Variants in GDPD4 observed in about 807,000 individuals in gnomAD.
GDPD4 encodes the protein glycerophosphodiester phosphodiesterase 6.
A neutral mutation model predicts 67.8 loss-of-function variants in GDPD4; 60 were observed. The ratio of observed to expected loss-of-function variants is 0.88; its 90% CI spans 0.72 to 1.10. The LOEUF (loss-of-function observed/expected upper bound fraction) is 1.10, where lower values mean the gene tolerates loss of function less well. GDPD4 is among the 50% of genes least tolerant of loss of function. The pLI is 0.00. For missense variants in GDPD4, 623 were observed against 613.9 expected (o/e 1.01, Z -0.16); for synonymous variants, 212 against 210.9 (o/e 1.00, Z -0.04).
intron 11 of GDPD4, among the ~76,000 whole-genome samples, chr11:77,247,159 G>A (rs1958797489): frequency 6.6e-6 from 1 of 152,118 alleles, no homozygotes; most frequent in Admixed American, 6.6e-5. Flanking sequence ...CCAGAAGGCA[G>A]ATCATTGCTA....
intron 16 of GDPD4, among the ~76,000 whole-genome samples, chr11:77,222,855 C>G (rs868275971): frequency 1.3e-5 from 2 of 152,206 alleles, no homozygotes; most frequent in Admixed American, 6.5e-5. Flanking sequence ...CTCCCCGTCA[C>G]TTTCAGGTAC....
At chr11:77,226,112 T>C (rs558695122) in intron 16 of GDPD4, among the ~76,000 whole-genome samples, 11 of 152,310 alleles carry the variant, frequency 7.2e-5, no homozygotes, top group African/African-American at 2.4e-4. Flanking sequence ...GTGGGTAGGG[T>C]CAAGTTAACT....
At chr11:77,221,277 T>C (rs191505297) in intron 16 of GDPD4, among the ~76,000 whole-genome samples, 2 of 152,126 alleles carry the variant, frequency 1.3e-5, no homozygotes, top group Admixed American at 1.3e-4. Flanking sequence ...CCTTCTGCTA[T>C]TAAATTTGTT....
At chr11:77,259,567 C>A (rs1293241920) in intron 10 of GDPD4, among the ~76,000 whole-genome samples, 35 of 143,880 alleles carry the variant, frequency 2.4e-4, no homozygotes, top group South Asian at 6.8e-4. Context: ...CTGAGAAAAG[C>A]AAAAAAAAAA....
Position 77,253,857 on chromosome 11 carries a change from A to C in GDPD4, c.864+4529T>G, listed in dbSNP as rs1477176848. ...AGAGGTAGATGGAGCTGTTCTGCCA[A>C]AGCACCGTATCCCCAGGAAAGGGCA... On this transcript the variant is annotated intron_variant, in intron 11 of 16. Coordinates refer to ENST00000315938, the MANE Select transcript of GDPD4 (RefSeq NM_182833.3). Among the ~76,000 whole-genome samples, 3 of 152,074 alleles carry C rather than the reference A, an allele frequency of 2.0e-5. No individual in the cohort carries two copies. The East Asian group carries it at 5.8e-4, about 29-fold the overall frequency.
chr11:77,223,082 A>C (rs937921329), intron 16 of GDPD4, among the ~76,000 whole-genome samples: 10 of 152,134 alleles, frequency 6.6e-5, no homozygotes, highest in African/African-American at 2.4e-4. Context: ...AGGTCATTTA[A>C]GGTCTTCTCT....
At chr11:77,256,428 G>A (rs1959005135) in intron 11 of GDPD4, among the ~76,000 whole-genome samples, 2 of 152,166 alleles carry the variant, frequency 1.3e-5, no homozygotes, top group Admixed American at 1.3e-4. Flanking sequence ...GATAGACTAT[G>A]TACTCCTATG....
rs1293199862 is a variant in GDPD4, at chr11:77,297,306, G to A, written c.-254+4299C>T. Among the ~76,000 whole-genome samples, 7 of 151,610 alleles carry A rather than the reference G, an allele frequency of 4.6e-5. No individual in the cohort carries two copies. The East Asian group carries it at 1.2e-3, about 25-fold the overall frequency. ...TCATGCCTGTAATCCCAGCACTTTGGGAGGCCGAGGTGGGCGGATCACGAG... is the reference window on the plus strand; with the variant it reads ...TCATGCCTGTAATCCCAGCACTTTGAGAGGCCGAGGTGGGCGGATCACGAG... On this transcript the variant is annotated intron_variant, in intron 1 of 16. Transcript: ENST00000315938.
intron 7 of GDPD4, among the ~76,000 whole-genome samples, chr11:77,270,173 C>T (rs1365670130): frequency 1.3e-5 from 2 of 152,040 alleles, no homozygotes; most frequent in Non-Finnish European, 2.9e-5. Flanking sequence ...AAAAGGAGAC[C>T]CAGAGAGAAG....
At position 77,245,611 on chromosome 11, in the gene GDPD4, G is replaced by A. The variant is rs1208059317; in HGVS notation, c.865-109C>T. The A allele has an allele frequency of 5.9e-6, 4 of 678,338 alleles. No homozygotes were observed. In the East Asian group the frequency reaches 1.1e-4, roughly 18 times the overall value. The allele number at this position is 678,338 out of a possible 1,614,324, so 42.0% of individuals were successfully genotyped here. A position where few individuals can be genotyped will look rare whatever the true frequency, so the allele number is the denominator to read the frequency against. ...TGCTCCATTATCATTCAATCCATCA[G>A]GCCCTCTGAAGTACTAATCCTAGAA... On this transcript the variant is annotated intron_variant, in intron 11 of 16. Transcript: ENST00000315938.
At position 77,223,756 on chromosome 11, in the gene GDPD4, C is replaced by T. The variant is rs538151521; in HGVS notation, c.1525+4108G>A. Among the ~76,000 whole-genome samples, 13 of 152,356 alleles carry T rather than the reference C, an allele frequency of 8.5e-5. No homozygotes were observed. The South Asian group carries it at 2.3e-3, about 27-fold the overall frequency. ...TGTCAGACAGGGACGTTTTAGTCTG[C>T]AGAAGTTTCTGCTGCCTTTTGTTCA... On this transcript the variant is annotated intron_variant, in intron 16 of 16. Coordinates refer to ENST00000315938, the MANE Select transcript of GDPD4 (RefSeq NM_182833.3).
chr11:77,280,462 C>A (rs1959709165), intron 3 of GDPD4, among the ~76,000 whole-genome samples: 1 of 151,740 alleles, frequency 6.6e-6, no homozygotes, highest in Admixed American at 6.6e-5. Flanking sequence ...TAATAGCACT[C>A]TAGATGTAGT....
At chr11:77,265,015 A>G (rs1377072363) in intron 10 of GDPD4, among the ~76,000 whole-genome samples, 1 of 152,106 alleles carries the variant, frequency 6.6e-6, no homozygotes, top group Non-Finnish European at 1.5e-5. Flanking sequence ...ATATCTGTTT[A>G]ATAAGACAAC....
At chr11:77,298,627 T>C (rs1431323549) in intron 1 of GDPD4, among the ~76,000 whole-genome samples, 5 of 152,340 alleles carry the variant, frequency 3.3e-5, no homozygotes, top group South Asian at 4.1e-4. Flanking sequence ...TGAAGTCTTA[T>C]AGTGGCTGCT....
chr11:77,241,398 C>T (rs1022898670), intron 13 of GDPD4, among the ~76,000 whole-genome samples: 4 of 152,122 alleles, frequency 2.6e-5, no homozygotes, highest in South Asian at 4.2e-4. Flanking sequence ...CAGTGGGGTA[C>T]GGTGGCTCAC....
intron 8 of GDPD4, 31 bp from the exon 9 acceptor site, chr11:77,269,100 G>T: frequency 6.2e-7 from 1 of 1,603,110 alleles, no homozygotes; most frequent in Non-Finnish European, 8.5e-7. Flanking sequence ...GGGAAGTGGG[G>T]GAAAAAGAGA....
chr11:77,218,520 C>T (rs897522404), intron 16 of GDPD4, among the ~76,000 whole-genome samples: 3 of 152,140 alleles, frequency 2.0e-5, no homozygotes, highest in African/African-American at 7.2e-5. Context: ...GGTATTTCTC[C>T]TAATGCTATC....
chr11:77,276,701 TCAACAAATCTTGGATTTTAATCTAA>T (rs552480288), intron 4 of GDPD4, among the ~76,000 whole-genome samples: 59 of 152,296 alleles, frequency 3.9e-4, no homozygotes, highest in African/African-American at 1.4e-3. Context: ...TGGTATAGAT[TCAACAAATCTTGGATTTTAATCTAA>T]ATCTAGCCAG....
Position 77,276,151 on chromosome 11 carries a change from G to A in GDPD4, c.207+10C>T, listed in dbSNP as rs1207815770. 6.2e-7 allele frequency: 1 copy of A among 1,607,906 alleles called. No homozygotes were observed. Among genetic ancestry groups the A allele is most frequent in the Non-Finnish European group, 8.5e-7 (1 of 1,174,466 alleles). On this transcript the variant is annotated intron_variant, in intron 5 of 16. Coordinates refer to ENST00000315938, the MANE Select transcript of GDPD4 (RefSeq NM_182833.3). The stretch of plus-strand genomic sequence containing the variant: ...GTCTAAGGTTTCCTATGTGGACTCA[G>A]ATGTCCTACCTTATGACACAAGTGC...
Sources: gnomAD v4.1 joint callset for allele counts (sites outside exome capture counted in the v4.1 genomes callset) on GRCh38, gnomAD v4.1.1 for gene constraint, MANE v1.5 for transcripts, NCBI Gene and HGNC (gene_info 2026-07-23, HGNC 2026-07-21) for gene names.